The following COPB1 variants were observed in gnomAD, a reference collection of about 807,000 sequenced individuals.
COPB1 encodes the protein coat protein complex I subunit beta 1, also known as coatomer subunit beta.
Under a neutral mutation model 108.7 loss-of-function variants are expected in COPB1, and 21 were observed. The observed-to-expected ratio is 0.19, with a 90% CI of 0.14 to 0.28. The LOEUF (loss-of-function observed/expected upper bound fraction) is 0.28, where lower values mean the gene tolerates loss of function less well. COPB1 is among the 10% of genes least tolerant of loss of function. COPB1 has a pLI of 1.00. For synonymous variants in COPB1, 378 were observed against 386.8 expected (o/e 0.98, Z 0.27); for missense variants, 919 against 1,141.3 (o/e 0.81, Z 2.81).
chr11:14,487,274 A>G (rs943967268), intron 6 of COPB1, among the ~76,000 whole-genome samples: 2 of 152,220 alleles, frequency 1.3e-5, no homozygotes, highest in East Asian at 1.9e-4. Context: ...GACATGACTT[A>G]AAAGTTATTT....
At position 14,494,615 on chromosome 11, in the gene COPB1, T is replaced by C. The variant is rs535481063; in HGVS notation, c.92-176A>G. The C allele has an allele frequency of 5.4e-6, 3 of 552,878 alleles. No homozygotes were observed. The Admixed American group carries it at 1.0e-4, about 18-fold the overall frequency. The allele number at this position is 552,878 out of a possible 1,614,324, so 34.2% of individuals were successfully genotyped here. On this transcript the variant is annotated intron_variant, in intron 2 of 21. Coordinates refer to ENST00000439561, the MANE Select transcript of COPB1 (RefSeq NM_001144061.2). ...CCACCTGGTTCTCCACCAAATAATC[T>C]GTCTTTGCTCAAGTCATTTATCTCT...
At chr11:14,462,773 T>C (rs1407059858) in intron 18 of COPB1, among the ~76,000 whole-genome samples, 2 of 152,134 alleles carry the variant, frequency 1.3e-5, no homozygotes, top group Non-Finnish European at 2.9e-5. Flanking sequence ...AATCACTATC[T>C]CTTTCATCCT....
chr11:14,461,454 T>G (rs897598272), intron 18 of COPB1, 123 bp from the exon 19 acceptor site: 30 of 959,866 alleles, frequency 3.1e-5, no homozygotes, highest in East Asian at 2.4e-4. Context: ...TAATACTTAT[T>G]ATGTACAGAG....
chr11:14,491,646 G>C (rs1415162588), intron 4 of COPB1, among the ~76,000 whole-genome samples: 1 of 144,788 alleles, frequency 6.9e-6, no homozygotes, highest in Non-Finnish European at 1.5e-5. Flanking sequence ...TCGAGCCTGG[G>C]CGACAAGAGT....
At chr11:14,460,354 G>GAATC in intron 19 of COPB1, 57 bp from the exon 20 acceptor site, 1 of 1,084,256 alleles carries the variant, frequency 9.2e-7, no homozygotes. Context: ...AGAAAGCTGT[G>GAATC]AATCACCAGT....
intron 14 of COPB1, 104 bp from the exon 15 acceptor site, chr11:14,469,667 A>G (rs1850360862): frequency 3.1e-6 from 3 of 979,322 alleles, no homozygotes; most frequent in Non-Finnish European, 3.1e-6. Flanking sequence ...TCACCTGAAT[A>G]AGATTTCAAA....
intron 10 of COPB1, 96 bp downstream of exon 10, chr11:14,480,663 C>G (rs1850641361): frequency 8.3e-7 from 1 of 1,199,472 alleles, no homozygotes; most frequent in South Asian, 1.5e-5. Flanking sequence ...TTTAATGGTT[C>G]TAGGCAGCTG....
intron 2 of COPB1, among the ~76,000 whole-genome samples, chr11:14,496,454 T>C (rs1034951245): frequency 1.3e-5 from 2 of 152,050 alleles, no homozygotes; most frequent in African/African-American, 4.8e-5. Flanking sequence ...CCATTTACAA[T>C]ACCCACAGAT....
At chr11:14,462,684 A>C (rs1850186683) in intron 18 of COPB1, among the ~76,000 whole-genome samples, 1 of 152,214 alleles carries the variant, frequency 6.6e-6, no homozygotes, top group South Asian at 2.1e-4. Context: ...CATACGTATC[A>C]GAGAAGTACT....
Position 14,495,608 on chromosome 11 carries a change from C to T in COPB1, c.92-1169G>A, listed in dbSNP as rs148722527. On this transcript the variant is annotated intron_variant, in intron 2 of 21. Coordinates refer to ENST00000439561, the MANE Select transcript of COPB1 (RefSeq NM_001144061.2). The stretch of plus-strand genomic sequence containing the variant: ...CGAACTCCTGAAGTCAAGTGATCCA[C>T]CTGCCTCAGCTTCCCAAAGTGCTGG... 9.2e-5 allele frequency among the ~76,000 whole-genome samples: 14 copies of T among 152,332 alleles called. No homozygotes were observed. In the East Asian group the frequency reaches 2.5e-3, roughly 27 times the overall value.
chr11:14,460,326 A>G (rs1565010090), intron 19 of COPB1, 29 bp from the exon 20 acceptor site: 1 of 1,380,582 alleles, frequency 7.2e-7, no homozygotes, highest in East Asian at 2.3e-5. Flanking sequence ...AGTCAAGGAG[A>G]TCATAAATCT....
At chr11:14,475,355 T>C (rs1850499807) in intron 13 of COPB1, among the ~76,000 whole-genome samples, 1 of 152,142 alleles carries the variant, frequency 6.6e-6, no homozygotes, top group Admixed American at 6.6e-5. Context: ...TAGCACTTAG[T>C]GGGTATTCAG....
At position 14,457,819 on chromosome 11, in the gene COPB1, T is replaced by C. The variant is rs1196067795; in HGVS notation, c.*5A>G. On this transcript the variant is annotated 3_prime_UTR_variant, in exon 22 of 22. Transcript: ENST00000439561. ...TGTAAAGCTTCAAGGACTTTTTGTT[T>C]ATTTTTATATACTAGTTTTCTTCTG... 1 of 1,570,278 alleles carries C rather than the reference T, an allele frequency of 6.4e-7. No homozygotes were observed. Among genetic ancestry groups the C allele is most frequent in the Middle Eastern group, 1.7e-4 (1 of 5,922 alleles).
intron 14 of COPB1, 31 bp from the exon 15 acceptor site, chr11:14,469,594 T>C (rs1850359905): frequency 9.7e-6 from 15 of 1,553,130 alleles, no homozygotes; most frequent in East Asian, 2.2e-5. Flanking sequence ...GTTACTGATA[T>C]TGTCTTGATT....
chr11:14,481,883 G>A (rs528578682), intron 8 of COPB1, among the ~76,000 whole-genome samples: 6 of 152,162 alleles, frequency 3.9e-5, no homozygotes, highest in African/African-American at 1.2e-4. Flanking sequence ...CTGCCTCCTG[G>A]GTTCAAGCAA....
At chr11:14,470,163 G>A (rs1850368610) in intron 14 of COPB1, among the ~76,000 whole-genome samples, 1 of 152,194 alleles carries the variant, frequency 6.6e-6, no homozygotes, top group African/African-American at 2.4e-5. Flanking sequence ...TCCAGGATCA[G>A]CTTCATGCAT....
At chr11:14,459,128 A>G (rs1850089044) in intron 20 of COPB1, among the ~76,000 whole-genome samples, 1 of 152,170 alleles carries the variant, frequency 6.6e-6, no homozygotes, top group Non-Finnish European at 1.5e-5. Flanking sequence ...ACATAATCTT[A>G]TGAGTTTGTC....
rs1482887214 is a variant in COPB1 at position 14,477,789 on chromosome 11, T to G, written c.1359-774A>C. ...GGCACGCACCTGTAGTCCAGATACT[T>G]GGGAGGCTGAGGCTGGAGAATCGCT... On this transcript the variant is annotated intron_variant, in intron 11 of 21. Coordinates refer to ENST00000439561, the MANE Select transcript of COPB1 (RefSeq NM_001144061.2). 1.7e-4 allele frequency among the ~76,000 whole-genome samples: 25 copies of G among 149,342 alleles called. No homozygotes were observed. The Admixed American group carries it at 1.7e-3, about 10-fold the overall frequency.
chr11:14,485,351 C>T (rs55853116), intron 7 of COPB1, among the ~76,000 whole-genome samples: 177 of 152,108 alleles, frequency 1.2e-3, no homozygotes, highest in Non-Finnish European at 1.8e-3. Flanking sequence ...AGGTTCTGTA[C>T]AGATAGAGTC....
Sources: allele counts gnomAD v4.1 joint callset (sites outside exome capture counted in the v4.1 genomes callset), GRCh38; gene constraint gnomAD v4.1.1; transcripts MANE v1.5; gene names NCBI Gene and HGNC (gene_info 2026-07-23, HGNC 2026-07-21).